The following FGF1 variants were observed in gnomAD, a reference collection of about 807,000 sequenced individuals.
FGF1 encodes beta-endothelial cell growth factor.
In FGF1, 9 loss-of-function variants were observed where a neutral mutation model predicts 13.4. The ratio of observed to expected loss-of-function variants is 0.67; its 90% CI spans 0.40 to 1.17. The LOEUF is 1.17. Among genes scored for constraint, FGF1 ranks in the 50% most tolerant of loss-of-function variants. FGF1 has a pLI of 0.01. For synonymous variants in FGF1, 93 were observed against 79.0 expected (o/e 1.18, Z -0.94); for missense variants, 156 against 192.7 (o/e 0.81, Z 1.13).
chr5:142,696,532 C>T (rs972266458), intron 2 of FGF1, among the ~76,000 whole-genome samples: 14 of 152,162 alleles, frequency 9.2e-5, no homozygotes, highest in Non-Finnish European at 1.5e-4. Flanking sequence ...TGTTCTTGTA[C>T]GGTGCTGTGC....
intron 1 of FGF1, among the ~76,000 whole-genome samples, chr5:142,616,990 G>A (rs1409298719): frequency 6.6e-6 from 1 of 152,216 alleles, no homozygotes; most frequent in Non-Finnish European, 1.5e-5. Flanking sequence ...TAGGTGGGCC[G>A]AATTTTGTTT....
chr5:142,641,714 A>G (rs2151951491), intron 1 of FGF1, among the ~76,000 whole-genome samples: 1 of 152,030 alleles, frequency 6.6e-6, no homozygotes, highest in East Asian at 1.9e-4. Flanking sequence ...CCATTTTTAC[A>G]GATGATAAAA....
rs554212532 is a variant in FGF1, at chr5:142,617,637, C to T, written c.-34-3476G>A. Among the ~76,000 whole-genome samples the T allele has an allele frequency of 1.7e-4, 26 of 152,256 alleles. 1 individual carries two copies. The Middle Eastern group carries it at 0.01, about 60-fold the overall frequency. On this transcript the variant is annotated intron_variant, in intron 1 of 3. Coordinates refer to ENST00000337706, the MANE Select transcript of FGF1 (RefSeq NM_000800.5). ...CTCCCCAAACCCTTCAGATCCACAA[C>T]TGAAAACCTGAAGGAGACATGTAGG... is the stretch of plus-strand genomic sequence containing the variant.
At position 142,600,730 on chromosome 5, in the gene FGF1, ATGGCCAAGTAC is replaced by A. The variant is rs983362973; in HGVS notation, c.234_244del (p.Gln78HisfsTer15). 1.2e-6 allele frequency: 2 copies of A among 1,613,248 alleles called. No individual in the cohort carries two copies. The highest frequency in any genetic ancestry group is 2.7e-5 in the African/African-American group (2 of 74,898). On this transcript the variant is annotated frameshift_variant, in exon 3 of 4. Coordinates refer to ENST00000337706, the MANE Select transcript of FGF1 (RefSeq NM_000800.5). LOFTEE classifies it high-confidence loss of function. ...GCCGTATAAAAGCCCGTCGGTGTCCATGGCCAAGTACTGGCCAGTCTCGGTACTCTTTATAT... is the reference window on the plus strand; with the variant it reads ...GCCGTATAAAAGCCCGTCGGTGTCCATGGCCAGTCTCGGTACTCTTTATAT...
intron 1 of FGF1, among the ~76,000 whole-genome samples, chr5:142,675,110 G>A (rs964810796): frequency 1.3e-5 from 2 of 152,150 alleles, no homozygotes; most frequent in Non-Finnish European, 2.9e-5. Flanking sequence ...CCTTGGAAAC[G>A]CTCCCCCCTG....
rs564750492 is a variant in FGF1, at chr5:142,649,453, C to A, written c.-34-35292G>T. On this transcript the variant is annotated intron_variant, in intron 1 of 3. Transcript: ENST00000337706. ...ACGGAGTCTCGCTTTGTCGCCCAGG[C>A]TGGAGTGCAGTGGCGCGATCTCTGC... 1.0e-3 allele frequency among the ~76,000 whole-genome samples: 157 copies of A among 151,978 alleles called. 1 individual carries two copies. Among genetic ancestry groups the A allele is most frequent in the African/African-American group, 3.5e-3 (145 of 41,450 alleles).
chr5:142,595,258 T>C lies in FGF1; in HGVS notation c.*32A>G. On this transcript the variant is annotated 3_prime_UTR_variant, in exon 4 of 4. Transcript: ENST00000337706. ...CCAGGTGAGGACCCCTCGAAACTTC[T>C]CTGGAGTGGTCAACACCCAGAACAG... 13 of 1,598,660 alleles carry C rather than the reference T, an allele frequency of 8.1e-6. No homozygotes were observed. The highest frequency in any genetic ancestry group is 1.1e-5 in the Non-Finnish European group (13 of 1,171,640).
At chr5:142,669,068 C>T (rs564337835) in intron 1 of FGF1, among the ~76,000 whole-genome samples, 16 of 152,358 alleles carry the variant, frequency 1.1e-4, no homozygotes, top group African/African-American at 3.6e-4. Context: ...TGGCTGATGC[C>T]GCTGAGCGGG....
intron 1 of FGF1, among the ~76,000 whole-genome samples, chr5:142,640,433 G>C (rs1453034332): frequency 6.7e-6 from 1 of 149,894 alleles, no homozygotes; most frequent in Non-Finnish European, 1.5e-5. Context: ...TGGTGGGGGG[G>C]GGGGTCTCTC....
At chr5:142,641,464 A>G (rs1457987456) in intron 1 of FGF1, among the ~76,000 whole-genome samples, 2 of 151,908 alleles carry the variant, frequency 1.3e-5, no homozygotes, top group African/African-American at 4.9e-5. Context: ...TGTATTTTTT[A>G]TTTAATTAGT....
chr5:142,644,893 C>G (rs903525666), intron 1 of FGF1, among the ~76,000 whole-genome samples: 1 of 152,158 alleles, frequency 6.6e-6, no homozygotes, highest in South Asian at 2.1e-4. Context: ...GAAACAAGCA[C>G]GGTAGCTCCA....
At chr5:142,658,557 T>C (rs982434666) in intron 1 of FGF1, among the ~76,000 whole-genome samples, 1 of 152,086 alleles carries the variant, frequency 6.6e-6, no homozygotes, top group South Asian at 2.1e-4. Context: ...AATAAGAGAG[T>C]GTGGCTCATG....
intron 1 of FGF1, among the ~76,000 whole-genome samples, chr5:142,630,949 C>T (rs1278171265): frequency 9.9e-5 from 15 of 152,188 alleles, no homozygotes; most frequent in Admixed American, 4.6e-4. Context: ...CTTTTTCCCA[C>T]GCTGGACTGT....
intron 1 of FGF1, among the ~76,000 whole-genome samples, chr5:142,625,061 CAT>C (rs1027895912): frequency 2.4e-4 from 37 of 152,274 alleles, no homozygotes; most frequent in African/African-American, 8.9e-4. Context: ...GATTCTGAAA[CAT>C]ATCTAGCCCA....
At chr5:142,635,916 A>C (rs1479372550) in intron 1 of FGF1, among the ~76,000 whole-genome samples, 2 of 151,804 alleles carry the variant, frequency 1.3e-5, no homozygotes, top group Non-Finnish European at 2.9e-5. Flanking sequence ...GTCCAAATCT[A>C]CTCTTGTTTT....
chr5:142,616,745 A>C (rs1199325393), intron 1 of FGF1, among the ~76,000 whole-genome samples: 1 of 152,168 alleles, frequency 6.6e-6, no homozygotes, highest in Non-Finnish European at 1.5e-5. Flanking sequence ...CTTCTAATGT[A>C]AAGCAATTTA....
upstream of FGF1, among the ~76,000 whole-genome samples, chr5:142,686,776 C>A (rs1416029143): frequency 6.6e-6 from 1 of 152,100 alleles, no homozygotes; most frequent in Non-Finnish European, 1.5e-5. Context: ...TTGGGACTGG[C>A]GAGGGGCTGC....
At chr5:142,633,094 G>T (rs1325176541) in intron 1 of FGF1, among the ~76,000 whole-genome samples, 2 of 151,596 alleles carry the variant, frequency 1.3e-5, no homozygotes, top group Admixed American at 6.6e-5. Context: ...TAATTTTTTT[G>T]ATTTTTAGTA....
intron 1 of FGF1, among the ~76,000 whole-genome samples, chr5:142,632,961 C>A (rs1763603191): frequency 6.6e-6 from 1 of 151,132 alleles, no homozygotes; most frequent in African/African-American, 2.4e-5. Flanking sequence ...TGCTGTGTCG[C>A]CAGGCTGGAG....
Sources: allele counts gnomAD v4.1 joint callset (sites outside exome capture counted in the v4.1 genomes callset), GRCh38; gene constraint gnomAD v4.1.1; transcripts MANE v1.5; gene names NCBI Gene and HGNC (gene_info 2026-07-23, HGNC 2026-07-21).